TTC28: variants seen among roughly 807,000 people sequenced by gnomAD.
TTC28 encodes tetratricopeptide repeat domain 28.
TTC28 carries 61 observed loss-of-function variants against 198.0 expected under a neutral mutation model. The ratio of observed to expected loss-of-function variants is 0.31; its 90% CI spans 0.25 to 0.38. The LOEUF is 0.38. Ranked by LOEUF, TTC28 falls within the 10% of genes least tolerant of loss-of-function variation. The pLI is 1.00. For synonymous variants in TTC28, 1,171 were observed against 1,297.8 expected, an observed-to-expected ratio of 0.90 and a Z score of 2.10; for missense variants, 2,678 against 3,164.0, an observed-to-expected ratio of 0.85 and a Z score of 3.69.
Position 27,981,404 on chromosome 22 carries a change from G to T in TTC28, c.*817C>A, listed in dbSNP as rs1048757788. 8.0e-5 allele frequency: 12 copies of T among 150,784 alleles called. No individual in the cohort carries two copies. Among genetic ancestry groups the T allele is most frequent in the Non-Finnish European group, 1.6e-4 (11 of 67,790 alleles). 9.3% of individuals were successfully genotyped at this position (150,784 alleles called of 1,614,324 possible). A position where few individuals can be genotyped will look rare whatever the true frequency, so the allele number is the denominator to read the frequency against. On this transcript the variant is annotated 3_prime_UTR_variant, in exon 23 of 23. Coordinates refer to ENST00000397906, the MANE Select transcript of TTC28 (RefSeq NM_001145418.2). Reference sequence around the variant, plus strand: ...ATAGCTATAAATGCAAAGTACTATTGATAATAAAACCAAGTTGTTTATCCA... The same window carrying T: ...ATAGCTATAAATGCAAAGTACTATTTATAATAAAACCAAGTTGTTTATCCA...
At chr22:28,366,157 T>G (rs5752729) in intron 2 of TTC28, among the ~76,000 whole-genome samples, 7 of 152,028 alleles carry the variant, frequency 4.6e-5, no homozygotes, top group African/African-American at 1.7e-4. Flanking sequence ...CATTTAACTA[T>G]GTAAAGAAAC....
chr22:28,324,103 A>C (rs995368913), intron 2 of TTC28, among the ~76,000 whole-genome samples: 6 of 152,154 alleles, frequency 3.9e-5, no homozygotes, highest in African/African-American at 1.4e-4. Context: ...CCTATTCTAA[A>C]AGAAATGCTA....
Position 28,593,455 on chromosome 22 carries a change from A to G in TTC28, c.381+36097T>C, listed in dbSNP as rs1220437758. 2.0e-5 allele frequency among the ~76,000 whole-genome samples: 3 copies of G among 147,278 alleles called. No homozygotes were observed. The East Asian group carries it at 6.0e-4, about 30-fold the overall frequency. On this transcript the variant is annotated intron_variant, in intron 2 of 22. Transcript: ENST00000397906. ...TAGACAGACAGGTAGGTAGATAGGT[A>G]GATAGGTAGGTAGCTAGGTAGGTAG...
At chr22:27,992,554 A>T in intron 19 of TTC28, 33 bp downstream of exon 19, 1 of 1,548,458 alleles carries the variant, frequency 6.5e-7, no homozygotes, top group Non-Finnish European at 8.7e-7. Flanking sequence ...CATGGGCCTC[A>T]GGCCCTGGCT....
intron 11 of TTC28, among the ~76,000 whole-genome samples, chr22:28,095,293 A>C (rs1024588466): frequency 7.9e-5 from 12 of 152,200 alleles, no homozygotes; most frequent in African/African-American, 2.7e-4. Flanking sequence ...ATTATTAAAA[A>C]CAATGCCGAG....
At chr22:28,602,868 G>A (rs371581436) in intron 2 of TTC28, among the ~76,000 whole-genome samples, 6 of 152,024 alleles carry the variant, frequency 3.9e-5, no homozygotes, top group African/African-American at 7.2e-5. Context: ...TACACAGAGC[G>A]TTTCTAACTT....
rs1936979107 is a variant in TTC28, at chr22:27,980,673, C to T, written c.*1548G>A. 6.6e-6 allele frequency: 1 copy of T among 152,156 alleles called. No homozygotes were observed. The highest frequency in any genetic ancestry group is 2.4e-5 in the African/African-American group (1 of 41,412). 9.4% of individuals were successfully genotyped at this position (152,156 alleles called of 1,614,324 possible). On this transcript the variant is annotated 3_prime_UTR_variant, in exon 23 of 23. Coordinates refer to ENST00000397906, the MANE Select transcript of TTC28 (RefSeq NM_001145418.2). ...GTGGCCGCCCACCTTCATGAGGAAC[C>T]CTGTAGTGAGGTGGGTAGGATTTTA...
At chr22:28,466,194 C>A (rs973618591) in intron 2 of TTC28, among the ~76,000 whole-genome samples, 13 of 152,178 alleles carry the variant, frequency 8.5e-5, no homozygotes, top group Non-Finnish European at 1.5e-4. Context: ...TAACTTGTTA[C>A]CTCAGGCAAG....
chr22:28,475,068 T>A (rs2048143438), intron 2 of TTC28, among the ~76,000 whole-genome samples: 1 of 138,246 alleles, frequency 7.2e-6, no homozygotes, highest in Non-Finnish European at 1.5e-5. Context: ...GAGAATGGCG[T>A]GAACCCAGGA....
At chr22:28,598,318 G>T (rs1477476295) in intron 2 of TTC28, among the ~76,000 whole-genome samples, 1 of 151,652 alleles carries the variant, frequency 6.6e-6, no homozygotes, top group Non-Finnish European at 1.5e-5. Flanking sequence ...AGACCATCCT[G>T]GCTAACATGG....
rs187749163 is a variant in TTC28 at position 28,162,216 on chromosome 22, T to A, written c.1441+876A>T. Among the ~76,000 whole-genome samples the A allele has an allele frequency of 2.4e-4, 36 of 152,360 alleles. No individual in the cohort carries two copies. In the East Asian group the frequency reaches 6.4e-3, roughly 27 times the overall value. The stretch of plus-strand genomic sequence containing the variant: ...CATATAAATTCCCCCAAATTATGAA[T>A]GTTTTAATTGTAACCAAGTACTATC... On this transcript the variant is annotated intron_variant, in intron 6 of 22. Transcript: ENST00000397906.
intron 2 of TTC28, among the ~76,000 whole-genome samples, chr22:28,469,763 G>C (rs1240969155): frequency 1.3e-5 from 2 of 152,166 alleles, no homozygotes; most frequent in South Asian, 2.1e-4. Flanking sequence ...TCTGAGCCTA[G>C]TGAAATTAAT....
intron 2 of TTC28, among the ~76,000 whole-genome samples, chr22:28,307,575 G>A (rs2045170641): frequency 6.6e-6 from 1 of 152,060 alleles, no homozygotes; most frequent in Admixed American, 6.6e-5. Context: ...ACTGCACCCA[G>A]CCTGCAGTTT....
intron 2 of TTC28, among the ~76,000 whole-genome samples, chr22:28,337,258 A>C (rs2045742199): frequency 6.6e-6 from 1 of 152,164 alleles, no homozygotes. Context: ...CTTTACTGCC[A>C]ACTATGTGGT....
At chr22:28,658,743 T>C (rs2051697868) in intron 1 of TTC28, among the ~76,000 whole-genome samples, 1 of 152,236 alleles carries the variant, frequency 6.6e-6, no homozygotes, top group African/African-American at 2.4e-5. Flanking sequence ...ATGCCTGTAA[T>C]GCCAGCACTT....
At chr22:28,068,131 A>T (rs1940832465) in intron 12 of TTC28, among the ~76,000 whole-genome samples, 1 of 152,196 alleles carries the variant, frequency 6.6e-6, no homozygotes, top group Non-Finnish European at 1.5e-5. Flanking sequence ...TTACAATTAA[A>T]GACTTTTCAT....
chr22:28,387,448 A>T (rs2146047427), intron 2 of TTC28, among the ~76,000 whole-genome samples: 1 of 152,322 alleles, frequency 6.6e-6, no homozygotes, highest in South Asian at 2.1e-4. Context: ...GAACTAGTTT[A>T]CAGTCCCACC....
At chr22:28,406,818 C>T (rs2047004210) in intron 2 of TTC28, among the ~76,000 whole-genome samples, 1 of 152,168 alleles carries the variant, frequency 6.6e-6, no homozygotes, top group South Asian at 2.1e-4. Context: ...GAGTTCCTCT[C>T]TATGCTTTAC....
chr22:28,579,680 C>A (rs890286796), intron 2 of TTC28, among the ~76,000 whole-genome samples: 15 of 150,444 alleles, frequency 1.0e-4, no homozygotes, highest in African/African-American at 3.7e-4. Flanking sequence ...CCAAAAAAAA[C>A]CGAAGGGCTG....
Sources: gnomAD v4.1 joint callset for allele counts (sites outside exome capture counted in the v4.1 genomes callset) on GRCh38, gnomAD v4.1.1 for gene constraint, MANE v1.5 for transcripts, NCBI Gene and HGNC (gene_info 2026-07-23, HGNC 2026-07-21) for gene names.